ADCY7: variants seen among roughly 807,000 people sequenced by gnomAD.
ADCY7 encodes the protein adenylate cyclase 7, also known as adenylate cyclase type 7.
ADCY7 carries 72 observed loss-of-function variants against 120.6 expected under a neutral mutation model. That is an observed-to-expected ratio of 0.60 (90% CI 0.49 to 0.73). The LOEUF is 0.73. Among genes scored for constraint, ADCY7 ranks in the 30% least tolerant of loss-of-function variants. The probability of loss-of-function intolerance (pLI) is 0.00; values close to 1 mark genes in which losing one functional copy is unlikely to be tolerated. For missense variants in ADCY7, 1,227 were observed against 1,486.0 expected (o/e 0.83, Z 2.87); for synonymous variants, 661 against 628.0 (o/e 1.05, Z -0.78).
chr16:50,266,517 C>T (rs1055034380), upstream of ADCY7: 13 of 163,704 alleles, frequency 7.9e-5, no homozygotes, highest in African/African-American at 2.4e-4. Flanking sequence ...CTGCCGCTGC[C>T]GGAGCAGGAA....
upstream of ADCY7, among the ~76,000 whole-genome samples, chr16:50,265,199 C>T (rs548088283): frequency 6.6e-6 from 1 of 152,288 alleles, no homozygotes. Context: ...GTGACTTTCT[C>T]CTAGTCAGTG....
rs558180291 is a variant in ADCY7, at chr16:50,316,847, A to G, written c.*1342A>G. 20 of 152,500 alleles carry G rather than the reference A, an allele frequency of 1.3e-4. No homozygotes were observed. The highest frequency in any genetic ancestry group is 4.8e-4 in the African/African-American group (20 of 41,582). The allele number at this position is 152,500 out of a possible 1,614,324, so 9.4% of individuals were successfully genotyped here. On this transcript the variant is annotated 3_prime_UTR_variant, in exon 26 of 26. Transcript: ENST00000673801. ...GTGGCCTCATCACCAGAGCATCGCC[A>G]GGATTTCTAATGCACTCAGTTTCCC...
At chr16:50,276,762 T>C (rs183085362) in intron 1 of ADCY7, among the ~76,000 whole-genome samples, 145 of 152,138 alleles carry the variant, frequency 9.5e-4, no homozygotes, top group African/African-American at 3.4e-3. Context: ...CCTGGCTTAG[T>C]TTTAAAATTT....
chr16:50,294,777 A>C, intron 7 of ADCY7, 26 bp downstream of exon 7: 1 of 1,543,734 alleles, frequency 6.5e-7, no homozygotes, highest in Non-Finnish European at 8.9e-7. Flanking sequence ...TACAATGGGC[A>C]AAGCCAGGCC....
intron 19 of ADCY7, among the ~76,000 whole-genome samples, 193 bp from the exon 20 acceptor site, chr16:50,311,500 A>G (rs2036456024): frequency 6.6e-6 from 1 of 151,918 alleles, no homozygotes; most frequent in African/African-American, 2.4e-5. Flanking sequence ...TCTTCCCCAC[A>G]AGGGCTCCCC....
chr16:50,308,230 GGGTGGGGACA>G (rs141399860), intron 15 of ADCY7, 87 bp from the exon 16 acceptor site: 351,480 of 1,606,704 alleles, frequency 0.22, 40,724 homozygotes, highest in Admixed American at 0.27. Context: ...ATACCAGGTA[GGGTGGGGACA>G]GGTGGCTGTG....
intron 21 of ADCY7, 108 bp downstream of exon 21, chr16:50,312,299 G>A: frequency 2.3e-6 from 3 of 1,303,676 alleles, no homozygotes; most frequent in South Asian, 2.7e-5. Context: ...GCTTCCTCAG[G>A]TCCTGGCCTC....
rs779106684 is a variant in ADCY7 at position 50,292,754 on chromosome 16, C to T, written c.616C>T (p.Arg206Trp). 12 of 1,613,898 alleles carry T rather than the reference C, an allele frequency of 7.4e-6. No individual in the cohort carries two copies. The highest frequency in any genetic ancestry group is 2.2e-5 in the East Asian group (1 of 44,876). The change falls in exon 5 of 26, where the codon CGG becomes TGG. Residue 206 changes from arginine to tryptophan, a missense_variant. This residue lies in a region of ADCY7 where 382 missense variants were observed against 411.4 expected (regional missense o/e 0.93). Coordinates refer to ENST00000673801, the MANE Select transcript of ADCY7 (RefSeq NM_001114.5). ...FHKHQMQDAS[R>W]DLFTYTVKCI... ...CAAGCACCAAATGCAGGATGCATCCCGGGACCTCTTCACCTACACTGTGAA... is the reference window on the plus strand; with the variant it reads ...CAAGCACCAAATGCAGGATGCATCCTGGGACCTCTTCACCTACACTGTGAA...
chr16:50,288,126 G>C lies in ADCY7; in HGVS notation c.-54G>C, dbSNP rs1235044179. ...GGTGTTGGCAGACAGATGCCCTCCA[G>C]GCCCTGGGGCCTCCTTAACGGCCCC... On this transcript the variant is annotated 5_prime_UTR_variant, in exon 2 of 26. Transcript: ENST00000673801. 3 of 1,496,374 alleles carry C rather than the reference G, an allele frequency of 2.0e-6. No homozygotes were observed. The African/African-American group carries it at 4.2e-5, about 21-fold the overall frequency. The allele number at this position is 1,496,374 out of a possible 1,614,324, so 92.7% of individuals were successfully genotyped here.
rs762873734 is a variant in ADCY7 at position 50,312,102 on chromosome 16, G to C, written c.2515G>C (p.Glu839Gln). ...KKFKKEHEEF[E>Q]TMENVNRLLL... ...GTTCAAGAAGGAGCACGAGGAGTTT[G>C]AGACCATGGAGAACGTGAACCGCCT... Residue 839 changes from glutamate to glutamine, a missense_variant, in exon 21 of 26, where the codon GAG (glutamate) becomes CAG (glutamine). Physicochemically the swap from Glu to Gln is conservative, Grantham distance 29. Around this residue, in one of 5 missense-constraint regions of ADCY7, gnomAD observed 244 missense variants for 332.8 expected, o/e 0.73. Transcript: ENST00000673801. The C allele has an allele frequency of 6.2e-7, 1 of 1,614,236 alleles. No homozygotes were observed. Among genetic ancestry groups the C allele is most frequent in the African/African-American group, 1.3e-5 (1 of 75,068 alleles).
intron 7 of ADCY7, among the ~76,000 whole-genome samples, chr16:50,295,316 C>CT (rs1166908185): frequency 2.8e-5 from 4 of 145,440 alleles, no homozygotes; most frequent in Non-Finnish European, 6.0e-5. Context: ...GTAGCTGGGA[C>CT]TACAGGCATG....
chr16:50,259,164 T>C (rs2032995318), intron 1 of ADCY7, among the ~76,000 whole-genome samples: 2 of 152,224 alleles, frequency 1.3e-5, no homozygotes, highest in South Asian at 2.1e-4. Context: ...TGATAACTCC[T>C]AAGATTTGGG....
chr16:50,286,222 A>G (rs1250236584), intron 1 of ADCY7, among the ~76,000 whole-genome samples: 1 of 151,168 alleles, frequency 6.6e-6, no homozygotes, highest in Admixed American at 6.6e-5. Flanking sequence ...GCAAAACCCC[A>G]TCTCTACAAA....
chr16:50,264,869 C>T (rs1314163172), upstream of ADCY7, among the ~76,000 whole-genome samples: 3 of 136,086 alleles, frequency 2.2e-5, no homozygotes, highest in Non-Finnish European at 3.1e-5. Flanking sequence ...CAGAGTCTCA[C>T]TCTGTTGCCC....
At chr16:50,280,379 A>G (rs542796914) in intron 1 of ADCY7, among the ~76,000 whole-genome samples, 272 of 150,994 alleles carry the variant, frequency 1.8e-3, no homozygotes, top group Non-Finnish European at 3.4e-3. Flanking sequence ...TTTTTCAAAA[A>G]AAAAAAAAAC....
chr16:50,255,122 C>CAAAAA (rs34287607), intron 1 of ADCY7, among the ~76,000 whole-genome samples: 8 of 103,394 alleles, frequency 7.7e-5, no homozygotes, highest in African/African-American at 3.2e-4. Flanking sequence ...CTTGTCTCTA[C>CAAAAA]AAAAAAAAAA....
intron 10 of ADCY7, among the ~76,000 whole-genome samples, chr16:50,302,465 T>A (rs1179625576): frequency 1.3e-5 from 2 of 152,210 alleles, no homozygotes; most frequent in East Asian, 3.9e-4. Context: ...CTGGGCCGAC[T>A]TGAATTTCAG....
At chr16:50,257,534 T>C (rs2150792144) in intron 1 of ADCY7, among the ~76,000 whole-genome samples, 1 of 152,294 alleles carries the variant, frequency 6.6e-6, no homozygotes, top group Admixed American at 6.5e-5. Context: ...TTCTCCATTG[T>C]ATATATGTAA....
chr16:50,304,410 C>T lies in ADCY7; in HGVS notation c.1419C>T (p.Asp473=), dbSNP rs61729542. 1.3e-5 allele frequency: 21 copies of T among 1,592,820 alleles called. No homozygotes were observed. The highest frequency in any genetic ancestry group is 2.7e-5 in the African/African-American group (2 of 74,132). The change falls in exon 11 of 26, where the codon GAC becomes GAT. Residue 473 remains aspartate, a synonymous_variant. Transcript: ENST00000673801. ...PSQHLPRPKG[D]AALKMRASVR... ...AACACCTCCCCAGGCCCAAGGGGGA[C>T]GCGGCCCTGAAGATGCGGGCGTCAG...
Sources: allele counts gnomAD v4.1 joint callset (sites outside exome capture counted in the v4.1 genomes callset), GRCh38; gene constraint gnomAD v4.1.1; regional missense constraint gnomAD v4.1.1; transcripts MANE v1.5; gene names NCBI Gene and HGNC (gene_info 2026-07-23, HGNC 2026-07-21).